The following PSMC3IP variants were observed in gnomAD, a reference collection of about 807,000 sequenced individuals.
PSMC3IP encodes homologous-pairing protein 2 homolog.
A neutral mutation model predicts 34.9 loss-of-function variants in PSMC3IP; 26 were observed. The observed-to-expected ratio is 0.74, with a 90% CI of 0.55 to 1.03. The LOEUF (loss-of-function observed/expected upper bound fraction) is 1.03. Among genes scored for constraint, PSMC3IP ranks in the 50% least tolerant of loss-of-function variants. PSMC3IP has a pLI of 0.00. For synonymous variants in PSMC3IP, 87 were observed against 96.5 expected (o/e 0.90, Z 0.57); for missense variants, 250 against 263.1 (o/e 0.95, Z 0.34).
chr17:42,573,497 G>C lies in PSMC3IP; in HGVS notation c.464C>G (p.Thr155Ser). Residue 155 changes from threonine (T) to serine (S), a missense_variant, in exon 5 of 8, where the codon ACT becomes AGT. By Grantham distance (58) the Thr-to-Ser change is moderately conservative. Transcript: ENST00000393795. The stretch of plus-strand genomic sequence containing the variant: ...GCTCACCTGCTCTTTCTCTTCTGGA[G>C]TCACATGATTGGTAGCTGCTTTAAT... ...KNIKAATNHVTPEEKEQVYRE... is the reference protein window; with the variant it reads ...KNIKAATNHVSPEEKEQVYRE... 1.2e-6 allele frequency: 2 copies of C among 1,614,254 alleles called. No homozygotes were observed. Among genetic ancestry groups the C allele is most frequent in the Non-Finnish European group, 1.7e-6 (2 of 1,180,054 alleles).
At chr17:42,573,970 A>G (rs1188839408) in intron 4 of PSMC3IP, 129 bp downstream of exon 4, 1 of 1,543,478 alleles carries the variant, frequency 6.5e-7, no homozygotes, top group South Asian at 1.2e-5. Context: ...TTTTATGCCT[A>G]AGGGAGCCCA....
Position 42,572,812 on chromosome 17 carries a change from C to T in PSMC3IP, c.*156G>A, listed in dbSNP as rs1238520417. On this transcript the variant is annotated 3_prime_UTR_variant, in exon 8 of 8. Transcript: ENST00000393795. The stretch of plus-strand genomic sequence containing the variant: ...AGCCACCAGCCCTCATCCTCTCTAC[C>T]CAGTGCTCTGGTTTATGCTTGTCTC... The T allele has an allele frequency of 1.2e-6, 1 of 866,706 alleles. No individual in the cohort carries two copies. The highest frequency in any genetic ancestry group is 1.9e-6 in the Non-Finnish European group (1 of 530,364). The allele number at this position is 866,706 out of a possible 1,614,324, so 53.7% of individuals were successfully genotyped here.
Position 42,572,456 on chromosome 17 carries a change from C to T in PSMC3IP, c.*512G>A, listed in dbSNP as rs1168845407. 2.2e-6 allele frequency: 1 copy of T among 454,586 alleles called. No homozygotes were observed. Among genetic ancestry groups the T allele is most frequent in the East Asian group, 6.9e-5 (1 of 14,538 alleles). 28.2% of individuals were successfully genotyped at this position (454,586 alleles called of 1,614,324 possible). A position where few individuals can be genotyped will look rare whatever the true frequency, so the allele number is the denominator to read the frequency against. On this transcript the variant is annotated 3_prime_UTR_variant, in exon 8 of 8. Coordinates refer to ENST00000393795, the MANE Select transcript of PSMC3IP (RefSeq NM_016556.4). ...TGTCTCAGTGTTGCCTGCATTTCTC[C>T]CAGGACTTGGGGGTGGGGTGAAAAG... is the stretch of plus-strand genomic sequence containing the variant.
At chr17:42,577,103 A>C in intron 3 of PSMC3IP, 110 bp downstream of exon 3, 2 of 1,570,162 alleles carry the variant, frequency 1.3e-6, no homozygotes, top group African/African-American at 1.3e-5. Context: ...TGGTGGCCTA[A>C]GACAGGTGAG....
At chr17:42,574,811 T>C (rs1295511343) in intron 3 of PSMC3IP, among the ~76,000 whole-genome samples, 1 of 143,522 alleles carries the variant, frequency 7.0e-6, no homozygotes, top group East Asian at 2.2e-4. Flanking sequence ...CAGAGTGCAG[T>C]GGTGCAATCT....
chr17:42,575,922 G>C (rs1208797621), intron 3 of PSMC3IP, among the ~76,000 whole-genome samples: 2 of 151,908 alleles, frequency 1.3e-5, no homozygotes, highest in Non-Finnish European at 2.9e-5. Flanking sequence ...CTGGGAGGCT[G>C]AGGCGGGGGA....
chr17:42,577,430 C>G, intron 2 of PSMC3IP, 31 bp downstream of exon 2: 1 of 1,612,590 alleles, frequency 6.2e-7, no homozygotes, highest in Non-Finnish European at 8.5e-7. Flanking sequence ...GGGAGTCCGA[C>G]GGAGAGGGAA....
chr17:42,574,742 T>C (rs200925648), intron 3 of PSMC3IP, among the ~76,000 whole-genome samples: 4 of 22,076 alleles, frequency 1.8e-4, no homozygotes, highest in African/African-American at 2.2e-4. Flanking sequence ...CCTCTCTCTT[T>C]CTCTCTCTTT....
intron 3 of PSMC3IP, among the ~76,000 whole-genome samples, chr17:42,575,729 C>CG (rs1394151470): frequency 1.3e-5 from 2 of 151,950 alleles, no homozygotes; most frequent in Non-Finnish European, 2.9e-5. Flanking sequence ...AAGGGCCAGG[C>CG]TGGGCACAGT....
chr17:42,573,087 AG>A lies in PSMC3IP; in HGVS notation c.597+19del. The A allele has an allele frequency of 6.2e-7, 1 of 1,614,150 alleles. No homozygotes were observed. Among genetic ancestry groups the A allele is most frequent in the African/African-American group, 1.3e-5 (1 of 74,992 alleles). Reference sequence around the variant, plus strand: ...GGATAAGACCACAGGGAAGCAAAGAAGGAAGAGAGCTCCACTTACAAAGAAC... The same window carrying A: ...GGATAAGACCACAGGGAAGCAAAGAAGAAGAGAGCTCCACTTACAAAGAAC... On this transcript the variant is annotated intron_variant, in intron 7 of 7. Coordinates refer to ENST00000393795, the MANE Select transcript of PSMC3IP (RefSeq NM_016556.4).
In PSMC3IP at chr17:42,577,571, G is replaced by C. The variant is rs1249153018; in HGVS notation, c.35-10C>G. The C allele has an allele frequency of 6.2e-7, 1 of 1,614,168 alleles. No individual in the cohort carries two copies. Among genetic ancestry groups the C allele is most frequent in the Non-Finnish European group, 8.5e-7 (1 of 1,180,020 alleles). On this transcript the variant is annotated splice_polypyrimidine_tract_variant and intron_variant, in intron 1 of 7. Transcript: ENST00000393795. The stretch of plus-strand genomic sequence containing the variant: ...AGGAGGATCCCGGCGGCTACGGAGA[G>C]AAAGGCAGGGGAGGGGGCCACTCAA...
At position 42,572,779 on chromosome 17, in the gene PSMC3IP, C is replaced by A; in HGVS notation, c.*189G>T. The A allele has an allele frequency of 2.8e-6, 2 of 719,340 alleles. No individual in the cohort carries two copies. Among genetic ancestry groups the A allele is most frequent in the Non-Finnish European group, 5.0e-6 (2 of 402,926 alleles). 44.6% of individuals were successfully genotyped at this position (719,340 alleles called of 1,614,324 possible). On this transcript the variant is annotated 3_prime_UTR_variant, in exon 8 of 8. Transcript: ENST00000393795. ...ATTTAGACAATGAAATGGGCTGGGT[C>A]TACCCCCAGCCACCAGCCCTCATCC...
At chr17:42,575,416 T>C (rs1034070253) in intron 3 of PSMC3IP, among the ~76,000 whole-genome samples, 1 of 152,164 alleles carries the variant, frequency 6.6e-6, no homozygotes. Flanking sequence ...CAGCCAGCCA[T>C]GACAAGAGAT....
intron 2 of PSMC3IP, 21 bp from the exon 3 acceptor site, chr17:42,577,323 A>C (rs1352699280): frequency 1.9e-6 from 3 of 1,613,042 alleles, no homozygotes. Context: ...AGAGAGAAGG[A>C]GCAATCAGAG....
chr17:42,573,570 G>C lies in PSMC3IP; in HGVS notation c.391C>G (p.Gln131Glu). Reference sequence around the variant, plus strand: ...CCAGCGCATTCCTTCTTTAACTCCTGGATTTCTTTCTGCATCTCTGGTGTG... The same window carrying C: ...CCAGCGCATTCCTTCTTTAACTCCTCGATTTCTTTCTGCATCTCTGGTGTG... ...LTTPEMQKEI[Q>E]ELKKECAGYR... The change falls in exon 5 of 8, where the codon CAG (glutamine) becomes GAG (glutamate). Residue 131 changes from glutamine (Q) to glutamate (E), a missense_variant. Physicochemically the swap from Gln to Glu is conservative, Grantham distance 29 (BLOSUM62 2). Transcript: ENST00000393795. 1.2e-6 allele frequency: 2 copies of C among 1,614,020 alleles called. No individual in the cohort carries two copies. The highest frequency in any genetic ancestry group is 2.7e-5 in the African/African-American group (2 of 74,972).
At position 42,572,504 on chromosome 17, in the gene PSMC3IP, G is replaced by A; in HGVS notation, c.*464C>T. The A allele has an allele frequency of 2.2e-6, 1 of 454,242 alleles. No homozygotes were observed. The highest frequency in any genetic ancestry group is 4.4e-6 in the Non-Finnish European group (1 of 226,726). The allele number at this position is 454,242 out of a possible 1,614,324, so 28.1% of individuals were successfully genotyped here. ...AAGCGTACAAAAGATACTTAAAAGG[G>A]CTCCTGGGGTACACAAGCCCAGCAG... On this transcript the variant is annotated 3_prime_UTR_variant, in exon 8 of 8. Transcript: ENST00000393795.
At position 42,574,198 on chromosome 17, in the gene PSMC3IP, T is replaced by A; in HGVS notation, c.238A>T (p.Met80Leu). The change falls in exon 4 of 8, where the codon ATG becomes TTG. Residue 80 changes from methionine (M) to leucine (L), a missense_variant. By Grantham distance (15) the Met-to-Leu change is conservative. Transcript: ENST00000393795. The stretch of plus-strand genomic sequence containing the variant: ...ACTTGAAGGTCAGCATCACTCACCA[T>A]GTCAAACTGGTCCTGCCAGACAAAG... ...IYFADQDQFD[M>L]VSDADLQVLD... 6.2e-7 allele frequency: 1 copy of A among 1,614,006 alleles called. No homozygotes were observed. The highest frequency in any genetic ancestry group is 8.5e-7 in the Non-Finnish European group (1 of 1,179,962).
chr17:42,577,376 A>C (rs2093082557), intron 2 of PSMC3IP, 74 bp from the exon 3 acceptor site: 1 of 1,608,138 alleles, frequency 6.2e-7, no homozygotes, highest in African/African-American at 1.3e-5. Flanking sequence ...AGTGATGTGG[A>C]AAACGCCCAA....
Position 42,572,411 on chromosome 17 carries a change from G to A in PSMC3IP, c.*557C>T, listed in dbSNP as rs1484746954. The A allele has an allele frequency of 2.2e-6, 1 of 454,602 alleles. No homozygotes were observed. The highest frequency in any genetic ancestry group is 2.3e-5 in the Admixed American group (1 of 42,564). 28.2% of individuals were successfully genotyped at this position (454,602 alleles called of 1,614,324 possible). A position where few individuals can be genotyped will look rare whatever the true frequency, so the allele number is the denominator to read the frequency against. On this transcript the variant is annotated 3_prime_UTR_variant, in exon 8 of 8. Coordinates refer to ENST00000393795, the MANE Select transcript of PSMC3IP (RefSeq NM_016556.4). The stretch of plus-strand genomic sequence containing the variant: ...GCCTCAAAATCACCCTTTCTGTCAA[G>A]CATATCTTGGCCTCTCCCATGTCTC...
Sources: allele counts gnomAD v4.1 joint callset (sites outside exome capture counted in the v4.1 genomes callset), GRCh38; gene constraint gnomAD v4.1.1; transcripts MANE v1.5; gene names NCBI Gene and HGNC (gene_info 2026-07-23, HGNC 2026-07-21).